The following ALAS2 variants were observed in gnomAD, a reference collection of about 807,000 sequenced individuals.
The protein encoded by ALAS2 is 5'-aminolevulinate synthase 2.
Under a neutral mutation model 33.7 loss-of-function variants are expected in ALAS2, and 3 were observed. That is an observed-to-expected ratio of 0.09 (90% confidence interval 0.04 to 0.23). The LOEUF is 0.23. Ranked by LOEUF, ALAS2 falls within the 10% of genes least tolerant of loss-of-function variation. ALAS2 has a pLI of 1.00. For missense variants in ALAS2, 304 were observed against 475.1 expected (o/e 0.64, Z 3.35); for synonymous variants, 191 against 177.3 (o/e 1.08, Z -0.61).
chrX:55,012,452 A>G (rs145961251), intron 10 of ALAS2, among the ~76,000 whole-genome samples: 1 of 111,767 alleles, frequency 8.9e-6, no homozygotes, highest in African/African-American at 3.3e-5. Flanking sequence ...CTTTCATCCA[A>G]CAGGCCTGGA....
chrX:55,019,649 T>C (rs999745947), intron 6 of ALAS2, among the ~76,000 whole-genome samples: 7 of 111,290 alleles, frequency 6.3e-5, no homozygotes, highest in Non-Finnish European at 1.1e-4. Context: ...GAGCCCGGAA[T>C]TGATATAGTG....
At chrX:55,018,276 C>G (rs771307759) in intron 6 of ALAS2, among the ~76,000 whole-genome samples, 1 of 111,606 alleles carries the variant, frequency 9.0e-6, no homozygotes, top group Non-Finnish European at 1.9e-5. Flanking sequence ...ACTGGGCAAT[C>G]CTGGTGGGGC....
rs754981195 is a variant in ALAS2 at position 55,026,035 on chromosome X, G to C, written c.-15-20C>G. ...AAAGTCCTGCAGAAGACATGGAAGA[G>C]ATGAGGTTCCATCATGAGGGCCTGG... On this transcript the variant is annotated intron_variant, in intron 1 of 10. Coordinates refer to ENST00000650242, the MANE Select transcript of ALAS2 (RefSeq NM_000032.5). 1 of 1,192,636 alleles carries C rather than the reference G, an allele frequency of 8.4e-7. No individual in the cohort carries two copies. The highest frequency in any genetic ancestry group is 1.8e-5 in the South Asian group (1 of 55,738).
At position 55,015,651 on chromosome X, in the gene ALAS2, A is replaced by G. The variant is rs749172605; in HGVS notation, c.1095T>C (p.Tyr365=). Residue 365 remains tyrosine, a synonymous_variant, in exon 8 of 11, where the codon TAT becomes TAC. Transcript: ENST00000650242. ...FVDEVHAVGL[Y]GSRGAGIGER... is the part of the protein sequence containing the mutation. ...CCCCAATCCCAGCGCCCCGGGACCC[A>G]TACAGTCCTACAGCATGGACCTCAT... The G allele has an allele frequency of 8.3e-6, 10 of 1,209,005 alleles. No individual in the cohort carries two copies. In the South Asian group the frequency reaches 1.6e-4, roughly 19 times the overall value.
chrX:55,029,314 C>T (rs1935949056), intron 1 of ALAS2, among the ~76,000 whole-genome samples: 1 of 111,342 alleles, frequency 9.0e-6, no homozygotes, highest in Non-Finnish European at 1.9e-5. Context: ...TTCATAGATT[C>T]CGCCTAGTTC....
intron 2 of ALAS2, among the ~76,000 whole-genome samples, chrX:55,025,145 AG>A (rs1417580126): frequency 9.0e-6 from 1 of 111,392 alleles, no homozygotes; most frequent in Non-Finnish European, 1.9e-5. Context: ...GGCTTTGCAG[AG>A]GAGATGATGG....
chrX:55,014,032 G>A lies in ALAS2; in HGVS notation c.1438-384C>T, dbSNP rs532588794. On this transcript the variant is annotated intron_variant, in intron 9 of 10. Transcript: ENST00000650242. ...CTGTCACTAAATTAATTCATAAAATGAGTGTTTAAAGGAAATACTAGGTTA... is the reference window on the plus strand; with the variant it reads ...CTGTCACTAAATTAATTCATAAAATAAGTGTTTAAAGGAAATACTAGGTTA... Among the ~76,000 whole-genome samples the A allele has an allele frequency of 1.1e-4, 12 of 111,507 alleles. No individual in the cohort carries two copies. In the South Asian group the frequency reaches 2.3e-3, roughly 21 times the overall value.
Position 55,009,152 on chromosome X carries a change from G to T in ALAS2, c.*28C>A. 8.3e-7 allele frequency: 1 copy of T among 1,203,150 alleles called. No individual in the cohort carries two copies. The highest frequency in any genetic ancestry group is 1.1e-6 in the Non-Finnish European group (1 of 890,883). On this transcript the variant is annotated 3_prime_UTR_variant, in exon 11 of 11. Transcript: ENST00000650242. Reference sequence around the variant, plus strand: ...GCCTGGACCCAAGTGAAGCGCAGGTGGGGTGTGAATCCTAGGCAGCTGGCT... The same window carrying T: ...GCCTGGACCCAAGTGAAGCGCAGGTTGGGTGTGAATCCTAGGCAGCTGGCT...
At position 55,013,535 on chromosome X, in the gene ALAS2, G is replaced by A. The variant is rs779614290; in HGVS notation, c.1551C>T (p.Arg517=). The change falls in exon 10 of 11, where the codon CGC becomes CGT. Residue 517 remains arginine (R), a synonymous_variant. Transcript: ENST00000650242. ...GGCTGTGGTGGGGGGAGGGTGCCAA[G>A]CGCAGGAGCTCTTCACCCCGGGGGA... ...PTVPRGEELL[R]LAPSPHHSPQ... 3.3e-6 allele frequency: 4 copies of A among 1,209,644 alleles called. No homozygotes were observed. The African/African-American group carries it at 7.0e-5, about 21-fold the overall frequency.
chrX:55,018,292 G>A (rs558943156), intron 6 of ALAS2, among the ~76,000 whole-genome samples: 51 of 111,435 alleles, frequency 4.6e-4, no homozygotes, highest in African/African-American at 1.6e-3. Context: ...GGGGCAGGTG[G>A]GCATGTGAAA....
At chrX:55,023,931 T>C in intron 3 of ALAS2, 64 bp from the exon 4 acceptor site, 2 of 959,754 alleles carry the variant, frequency 2.1e-6, no homozygotes, top group South Asian at 4.1e-5. Flanking sequence ...GCATGTGTTG[T>C]CCTCTTTAAG....
chrX:55,023,864 A>G lies in ALAS2; in HGVS notation c.308T>C (p.Leu103Pro). The change falls in exon 4 of 11, where the codon CTG (leucine) becomes CCG (proline). Residue 103 changes from leucine to proline, a missense_variant. Transcript: ENST00000650242. Reference sequence around the variant, plus strand: ...GCTGACTGAGACCAGGGAGCTAGGCAGATCTGAGACGGAATGTGAGATTCA... The same window carrying G: ...GCTGACTGAGACCAGGGAGCTAGGCGGATCTGAGACGGAATGTGAGATTCA... ...QEDVKAFKTDLPSSLVSVSLR... is the reference protein window; with the variant it reads ...QEDVKAFKTDPPSSLVSVSLR... 8.3e-7 allele frequency: 1 copy of G among 1,200,431 alleles called. No individual in the cohort carries two copies. Among genetic ancestry groups the G allele is most frequent in the Non-Finnish European group, 1.1e-6 (1 of 885,658 alleles).
intron 6 of ALAS2, among the ~76,000 whole-genome samples, chrX:55,019,514 G>A (rs1020979312): frequency 1.8e-5 from 2 of 111,129 alleles, no homozygotes; most frequent in Non-Finnish European, 3.8e-5. Context: ...GATAATGGTG[G>A]TTTGGCAAAA....
At chrX:55,029,608 T>G (rs1935955615) in intron 1 of ALAS2, among the ~76,000 whole-genome samples, 1 of 111,533 alleles carries the variant, frequency 9.0e-6, no homozygotes, top group Non-Finnish European at 1.9e-5. Flanking sequence ...TCTTTCCAGG[T>G]CATATGCCAT....
chrX:55,025,908 G>A lies in ALAS2; in HGVS notation c.93C>T (p.Phe31=). 8.3e-7 allele frequency: 1 copy of A among 1,211,456 alleles called. No homozygotes were observed. Among genetic ancestry groups the A allele is most frequent in the Non-Finnish European group, 1.1e-6 (1 of 895,360 alleles). Residue 31 remains phenylalanine, a synonymous_variant, in exon 2 of 11, where the codon TTC becomes TTT. Coordinates refer to ENST00000650242, the MANE Select transcript of ALAS2 (RefSeq NM_000032.5). ...TGGGACAGCGTCCAATACCAAACAG[G>A]AACTGGTGAGTCTTAACCACCTTGC... ...LLGKVVKTHQ[F]LFGIGRCPIL...
rs181993838 is a variant in ALAS2 at position 55,028,333 on chromosome X, G to T, written c.-15-2318C>A. ...TGGCTAGAGCTGGCCCTGGCTATTGGTGGTAAGAAATGGATGGCCCAGAAG... is the reference window on the plus strand; with the variant it reads ...TGGCTAGAGCTGGCCCTGGCTATTGTTGGTAAGAAATGGATGGCCCAGAAG... On this transcript the variant is annotated intron_variant, in intron 1 of 10. Transcript: ENST00000650242. Among the ~76,000 whole-genome samples, 10 of 111,221 alleles carry T rather than the reference G, an allele frequency of 9.0e-5. No homozygotes were observed. In the East Asian group the frequency reaches 2.0e-3, roughly 22 times the overall value.
At chrX:55,027,644 AG>A (rs1447515733) in intron 1 of ALAS2, 1 of 770,705 alleles carries the variant, frequency 1.3e-6, no homozygotes, top group Admixed American at 2.2e-5. Flanking sequence ...TAGCACCCTC[AG>A]CCTTATGTTT....
At chrX:55,012,090 T>C (rs1438623259) in intron 10 of ALAS2, among the ~76,000 whole-genome samples, 1 of 111,913 alleles carries the variant, frequency 8.9e-6, no homozygotes, top group Non-Finnish European at 1.9e-5. Context: ...TATTTAATGT[T>C]TTTGAATGAA....
chrX:55,024,977 C>T (rs1774580465), intron 2 of ALAS2, 137 bp from the exon 3 acceptor site: 1 of 851,854 alleles, frequency 1.2e-6, no homozygotes, highest in Non-Finnish European at 1.7e-6. Context: ...TGAGTCTGGT[C>T]CCTGTGCTAG....
Sources: allele counts gnomAD v4.1 joint callset (sites outside exome capture counted in the v4.1 genomes callset), GRCh38; gene constraint gnomAD v4.1.1; transcripts MANE v1.5; gene names NCBI Gene and HGNC (gene_info 2026-07-23, HGNC 2026-07-21).